DOCK7: variants seen among roughly 807,000 people sequenced by gnomAD.
DOCK7 encodes the protein dedicator of cytokinesis protein 7.
Under a neutral mutation model 271.0 loss-of-function variants are expected in DOCK7, and 138 were observed. That is an observed-to-expected ratio of 0.51 (90% CI 0.44 to 0.59). The LOEUF (loss-of-function observed/expected upper bound fraction) is 0.59. DOCK7 is among the 20% of genes least tolerant of loss of function. DOCK7 has a pLI of 0.00. For synonymous variants in DOCK7, 823 were observed against 876.1 expected (o/e 0.94, Z 1.07); for missense variants, 2,066 against 2,592.4 (o/e 0.80, Z 4.41).
At chr1:62,661,787 T>C (rs990257815) in intron 2 of DOCK7, among the ~76,000 whole-genome samples, 4 of 152,098 alleles carry the variant, frequency 2.6e-5, no homozygotes, top group African/African-American at 9.7e-5. Context: ...AGATTACATA[T>C]GGGTTATAGT....
At chr1:62,611,016 G>A (rs1279626372) in intron 14 of DOCK7, among the ~76,000 whole-genome samples, 1 of 152,116 alleles carries the variant, frequency 6.6e-6, no homozygotes, top group Non-Finnish European at 1.5e-5. Context: ...TCTAGTTCTA[G>A]TTCCTTGAGG....
chr1:62,613,316 C>T (rs1333455346), intron 14 of DOCK7, among the ~76,000 whole-genome samples: 1 of 152,120 alleles, frequency 6.6e-6, no homozygotes, highest in African/African-American at 2.4e-5. Context: ...TTAGAAACTA[C>T]CATATATTTG....
intron 15 of DOCK7, 58 bp downstream of exon 15, chr1:62,586,448 GA>G: frequency 2.3e-6 from 3 of 1,321,836 alleles, no homozygotes; most frequent in Non-Finnish European, 3.1e-6. Flanking sequence ...CAAAGAGAAA[GA>G]AAAAAGTCTA....
chr1:62,488,865 G>A (rs753598624), intron 42 of DOCK7, 69 bp downstream of exon 42: 25 of 1,590,826 alleles, frequency 1.6e-5, no homozygotes, highest in Non-Finnish European at 2.0e-5. Context: ...TGACATCAGT[G>A]CAAAACAACA....
chr1:62,576,604 A>G (rs1646947808), intron 18 of DOCK7, among the ~76,000 whole-genome samples: 1 of 152,248 alleles, frequency 6.6e-6, no homozygotes, highest in South Asian at 2.1e-4. Context: ...AATATTCACA[A>G]AACGTATTTT....
At chr1:62,629,979 A>C (rs1384409583) in intron 11 of DOCK7, among the ~76,000 whole-genome samples, 1 of 152,236 alleles carries the variant, frequency 6.6e-6, no homozygotes, top group Non-Finnish European at 1.5e-5. Context: ...GTTCAGGGTC[A>C]CAAATGGCCG....
At chr1:62,576,705 C>T (rs987462771) in intron 18 of DOCK7, among the ~76,000 whole-genome samples, 3 of 152,126 alleles carry the variant, frequency 2.0e-5, no homozygotes, top group Non-Finnish European at 4.4e-5. Context: ...GGTTTATGAA[C>T]GGTGGCTATT....
intron 8 of DOCK7, 161 bp from the exon 9 acceptor site, chr1:62,635,083 T>C (rs1655092520): frequency 4.6e-6 from 2 of 431,322 alleles, no homozygotes; most frequent in Non-Finnish European, 8.2e-6. Context: ...TTAATCTTAA[T>C]AAATTAAATT....
chr1:62,520,948 T>C (rs1644829564), intron 31 of DOCK7, among the ~76,000 whole-genome samples: 1 of 152,170 alleles, frequency 6.6e-6, no homozygotes, highest in African/African-American at 2.4e-5. Flanking sequence ...TCATGTCCTT[T>C]GCAGGGACAT....
chr1:62,678,452 A>C (rs1660760013), intron 1 of DOCK7, among the ~76,000 whole-genome samples: 1 of 152,200 alleles, frequency 6.6e-6, no homozygotes, highest in Non-Finnish European at 1.5e-5. Context: ...ATATGCAAGA[A>C]CCTGACAGAG....
chr1:62,499,129 G>C (rs2149308978), intron 37 of DOCK7, among the ~76,000 whole-genome samples: 1 of 152,260 alleles, frequency 6.6e-6, no homozygotes, highest in East Asian at 1.9e-4. Context: ...AACACTGCCT[G>C]ATACTAATAC....
chr1:62,648,459 C>A lies in DOCK7; in HGVS notation c.475G>T (p.Glu159Ter). The A allele has an allele frequency of 6.5e-7, 1 of 1,548,344 alleles. No homozygotes were observed. The highest frequency in any genetic ancestry group is 8.7e-7 in the Non-Finnish European group (1 of 1,145,374). Reference protein sequence around the residue: ...RQKGLPKQVFESDEAPDGNSY... With the variant: ...RQKGLPKQVF ...TTGCCATCTGGAGCTTCATCAGATT[C>A]AAAAACTTGTTTTGGCAAACCTTTT... Residue 159 changes from glutamate (E) to a stop codon, truncating the protein, a stop_gained, in exon 5 of 50, where the codon GAA becomes TAA. Transcript: ENST00000635253. LOFTEE classifies it high-confidence loss of function.
rs1275085410 is a variant in DOCK7 at position 62,584,532 on chromosome 1, T to A, written c.1801-1278A>T. On this transcript the variant is annotated intron_variant, in intron 15 of 49. Transcript: ENST00000635253. ...ACACAAGTAAAAGAAATGCAATACC[T>A]TTTTTCCCTCTGAGAAGCTATCACT... is the stretch of plus-strand genomic sequence containing the variant. The A allele has an allele frequency of 2.7e-6, 3 of 1,119,880 alleles. No individual in the cohort carries two copies. In the East Asian group the frequency reaches 1.8e-4, roughly 66 times the overall value. 69.4% of individuals were successfully genotyped at this position (1,119,880 alleles called of 1,614,324 possible). A position where few individuals can be genotyped will look rare whatever the true frequency, so the allele number is the denominator to read the frequency against.
chr1:62,584,522 A>G, intron 15 of DOCK7: 1 of 1,115,470 alleles, frequency 9.0e-7, no homozygotes, highest in Non-Finnish European at 1.1e-6. Flanking sequence ...AGTAAAAGAA[A>G]TGCAATACCT....
At chr1:62,597,967 T>C in intron 14 of DOCK7, 2 of 1,557,426 alleles carry the variant, frequency 1.3e-6, no homozygotes, top group Non-Finnish European at 1.7e-6. Flanking sequence ...AAAATTCTAC[T>C]TCAACAAAAA....
rs1052419675 is a variant in DOCK7, at chr1:62,510,738, T to C, written c.4283-65A>G. 41 of 1,237,262 alleles carry C rather than the reference T, an allele frequency of 3.3e-5. No homozygotes were observed. In the African/African-American group the frequency reaches 5.2e-4, roughly 16 times the overall value. The allele number at this position is 1,237,262 out of a possible 1,614,324, so 76.6% of individuals were successfully genotyped here. A position where few individuals can be genotyped will look rare whatever the true frequency, so the allele number is the denominator to read the frequency against. On this transcript the variant is annotated intron_variant, in intron 33 of 49. Coordinates refer to ENST00000635253, the MANE Select transcript of DOCK7 (RefSeq NM_001367561.1). ...TCAGTTGGACCACATATATGTATAC[T>C]TGCAATCATGTAAGAAATATACAAC...
At chr1:62,661,946 A>G (rs1658712690) in intron 2 of DOCK7, among the ~76,000 whole-genome samples, 1 of 152,234 alleles carries the variant, frequency 6.6e-6, no homozygotes, top group Non-Finnish European at 1.5e-5. Context: ...CATTGAAATC[A>G]GCCAAAAATC....
At chr1:62,480,771 G>A (rs1646097559) in intron 43 of DOCK7, among the ~76,000 whole-genome samples, 1 of 152,190 alleles carries the variant, frequency 6.6e-6, no homozygotes, top group Non-Finnish European at 1.5e-5. Context: ...CACTTTGGGA[G>A]GCCAAGGCGG....
intron 14 of DOCK7, chr1:62,597,617 C>A (rs764827703): frequency 3.8e-5 from 61 of 1,612,638 alleles, no homozygotes; most frequent in Non-Finnish European, 4.9e-5. Context: ...TTATTTCCTC[C>A]AGAATTGATC....
Sources: allele counts gnomAD v4.1 joint callset (sites outside exome capture counted in the v4.1 genomes callset), GRCh38; gene constraint gnomAD v4.1.1; transcripts MANE v1.5; gene names NCBI Gene and HGNC (gene_info 2026-07-23, HGNC 2026-07-21).